The following ZNF813 variants were observed in gnomAD, a reference collection of about 807,000 sequenced individuals.
The protein encoded by ZNF813 is zinc finger protein 813.
In ZNF813, 3 loss-of-function variants were observed where a neutral mutation model predicts 7.2. That is an observed-to-expected ratio of 0.42 (90% CI 0.19 to 1.08). The LOEUF (loss-of-function observed/expected upper bound fraction) is 1.08, where lower values mean the gene tolerates loss of function less well. Among genes scored for constraint, ZNF813 ranks in the 50% least tolerant of loss-of-function variants. The pLI is 0.30. For synonymous variants in ZNF813, 227 were observed against 256.3 expected (o/e 0.89, Z 1.09); for missense variants, 714 against 753.3 (o/e 0.95, Z 0.61).
rs772059053 is a variant in ZNF813 at position 53,490,717 on chromosome 19, A to G, written c.485A>G (p.Asn162Ser). Residue 162 changes from asparagine (N) to serine (S), a missense_variant, in exon 4 of 4, where the codon AAT (asparagine) becomes AGT (serine). Transcript: ENST00000396403. ...HMFQTQGKIG[N>S]QVEKSINDAS... is the part of the protein sequence containing the mutation. ...TTTCAGACCCAAGGGAAAATTGGTA[A>G]TCAAGTGGAGAAGTCTATCAACGAT... 4.3e-6 allele frequency: 7 copies of G among 1,614,208 alleles called. No individual in the cohort carries two copies. Among genetic ancestry groups the G allele is most frequent in the Non-Finnish European group, 5.1e-6 (6 of 1,180,028 alleles).
chr19:53,489,544 G>T (rs918259190), intron 3 of ZNF813, among the ~76,000 whole-genome samples: 4 of 152,016 alleles, frequency 2.6e-5, no homozygotes, highest in Non-Finnish European at 5.9e-5. Context: ...GGAGGTTGCA[G>T]TGAGCCAAGA....
At position 53,495,684 on chromosome 19, in the gene ZNF813, G is replaced by C. The variant is rs112824664; in HGVS notation, c.*3598G>C. On this transcript the variant is annotated 3_prime_UTR_variant, in exon 4 of 4. Transcript: ENST00000396403. ...AAATTAGCTGGGTGTGGTGGCGGGT[G>C]CTTGTAATCCCAGTTACTCAGGAGG... 6.6e-6 allele frequency: 1 copy of C among 152,226 alleles called. No individual in the cohort carries two copies. Among genetic ancestry groups the C allele is most frequent in the African/African-American group, 2.4e-5 (1 of 41,448 alleles). 9.4% of individuals were successfully genotyped at this position (152,226 alleles called of 1,614,324 possible).
In ZNF813 at chr19:53,494,657, A is replaced by T; in HGVS notation, c.*2571A>T. The T allele has an allele frequency of 1.2e-5, 1 of 81,112 alleles. No homozygotes were observed. Among genetic ancestry groups the T allele is most frequent in the East Asian group, 3.2e-4 (1 of 3,172 alleles). 5.0% of individuals were successfully genotyped at this position (81,112 alleles called of 1,614,324 possible). On this transcript the variant is annotated 3_prime_UTR_variant, in exon 4 of 4. Coordinates refer to ENST00000396403, the MANE Select transcript of ZNF813 (RefSeq NM_001004301.4). ...AAACTCTGTCTCAAAAAAAAAAAAAAGAAAAGAAAAGAAAAGAGACTCTAT... is the reference window on the plus strand; with the variant it reads ...AAACTCTGTCTCAAAAAAAAAAAAATGAAAAGAAAAGAAAAGAGACTCTAT...
rs144943996 is a variant in ZNF813 at position 53,477,999 on chromosome 19, A to G, written c.-73-5751A>G. Among the ~76,000 whole-genome samples, 15 of 152,280 alleles carry G rather than the reference A, an allele frequency of 9.9e-5. No individual in the cohort carries two copies. The East Asian group carries it at 2.9e-3, about 29-fold the overall frequency. ...TATCTATAAGGCATGTACATTGTAT[A>G]AATCTTGGCATAGAGGTCAGCTTCC... On this transcript the variant is annotated intron_variant, in intron 1 of 3. Coordinates refer to ENST00000396403, the MANE Select transcript of ZNF813 (RefSeq NM_001004301.4).
At chr19:53,476,834 T>C (rs766390646) in intron 1 of ZNF813, among the ~76,000 whole-genome samples, 10 of 151,978 alleles carry the variant, frequency 6.6e-5, no homozygotes, top group Non-Finnish European at 1.3e-4. Context: ...TGGCTAATTT[T>C]TGTATTTTAA....
intron 1 of ZNF813, among the ~76,000 whole-genome samples, chr19:53,469,789 A>G (rs2617710): frequency 0.32 from 44,410 of 140,958 alleles, 6,305 homozygotes; most frequent in African/African-American, 0.41. Flanking sequence ...CTAGGCTGCC[A>G]GAGAGTGGGG....
chr19:53,479,395 G>A, intron 1 of ZNF813: 1 of 1,590,222 alleles, frequency 6.3e-7, no homozygotes, highest in East Asian at 2.2e-5. Context: ...CAAGATCCAG[G>A]TTCTGCAGCT....
At chr19:53,477,689 T>C (rs1166334171) in intron 1 of ZNF813, among the ~76,000 whole-genome samples, 7 of 151,980 alleles carry the variant, frequency 4.6e-5, no homozygotes, top group Middle Eastern at 6.8e-3. Flanking sequence ...GATGTGATGG[T>C]GCACACCTGT....
chr19:53,495,950 C>T lies in ZNF813; in HGVS notation c.*3864C>T. The T allele has an allele frequency of 2.8e-6, 1 of 353,396 alleles. No homozygotes were observed. The highest frequency in any genetic ancestry group is 2.1e-5 in the African/African-American group (1 of 47,100). 21.9% of individuals were successfully genotyped at this position (353,396 alleles called of 1,614,324 possible). The stretch of plus-strand genomic sequence containing the variant: ...GAAACAAAAGCAAAATCATTCCATT[C>T]CCCCAGTGGATTCAGATCAAAACTG... On this transcript the variant is annotated 3_prime_UTR_variant, in exon 4 of 4. Coordinates refer to ENST00000396403, the MANE Select transcript of ZNF813 (RefSeq NM_001004301.4).
intron 1 of ZNF813, among the ~76,000 whole-genome samples, chr19:53,482,724 T>TTTG (rs1555843306): frequency 7.8e-6 from 1 of 127,408 alleles, no homozygotes; most frequent in East Asian, 2.2e-4. Flanking sequence ...TTTTTTTTTT[T>TTTG]TTTTTTTTTT....
At chr19:53,482,273 CTGTAT>C (rs1568830530) in intron 1 of ZNF813, among the ~76,000 whole-genome samples, 3 of 152,210 alleles carry the variant, frequency 2.0e-5, no homozygotes, top group Non-Finnish European at 4.4e-5. Flanking sequence ...AGGCCTTTCT[CTGTAT>C]GAGGACATCA....
At chr19:53,474,310 G>A (rs1269349967) in intron 1 of ZNF813, among the ~76,000 whole-genome samples, 1 of 152,146 alleles carries the variant, frequency 6.6e-6, no homozygotes, top group Non-Finnish European at 1.5e-5. Context: ...GGCCAAGTGG[G>A]CCCCCATAAC....
rs2708834 is a variant in ZNF813 at position 53,494,490 on chromosome 19, A to G, written c.*2404A>G. On this transcript the variant is annotated 3_prime_UTR_variant, in exon 4 of 4. Transcript: ENST00000396403. Reference sequence around the variant, plus strand: ...GAAACAGCATCTCTACTAAAAATACAAAATTAGCCAGGCATGGTGGCAAAT... The same window carrying G: ...GAAACAGCATCTCTACTAAAAATACGAAATTAGCCAGGCATGGTGGCAAAT... The G allele has an allele frequency of 0.27, 41,434 of 151,892 alleles. 6,191 individuals carry two copies. Among genetic ancestry groups the G allele is most frequent in the African/African-American group, 0.4 (16,563 of 41,368 alleles). 9.4% of individuals were successfully genotyped at this position (151,892 alleles called of 1,614,324 possible).
At chr19:53,469,737 A>ACGG (rs5828543) in intron 1 of ZNF813, among the ~76,000 whole-genome samples, 15 of 146,936 alleles carry the variant, frequency 1.0e-4, no homozygotes, top group African/African-American at 3.7e-4. Flanking sequence ...TGCTGGTGGC[A>ACGG]AGAACAGAGG....
intron 1 of ZNF813, among the ~76,000 whole-genome samples, chr19:53,472,142 G>C (rs1049345546): frequency 2.6e-5 from 4 of 152,074 alleles, no homozygotes; most frequent in African/African-American, 9.7e-5. Flanking sequence ...GACATGTATG[G>C]GGTAACCTGC....
rs552505078 is a variant in ZNF813, at chr19:53,495,936, A to G, written c.*3850A>G. 3.2e-5 allele frequency: 11 copies of G among 339,976 alleles called. No individual in the cohort carries two copies. Among genetic ancestry groups the G allele is most frequent in the Non-Finnish European group, 5.8e-5 (10 of 172,914 alleles). The allele number at this position is 339,976 out of a possible 1,614,324, so 21.1% of individuals were successfully genotyped here. A position where few individuals can be genotyped will look rare whatever the true frequency, so the allele number is the denominator to read the frequency against. On this transcript the variant is annotated 3_prime_UTR_variant, in exon 4 of 4. Transcript: ENST00000396403. The stretch of plus-strand genomic sequence containing the variant: ...CAATACCTGGCCAAGAAACAAAAGC[A>G]AAATCATTCCATTCCCCCAGTGGAT...
Position 53,490,686 on chromosome 19 carries a change from C to A in ZNF813, c.454C>A (p.His152Asn), listed in dbSNP as rs377553153. ...SSFHSHLPEL[H>N]MFQTQGKIGN... ...CTTTCATTCGCATCTGCCTGAACTC[C>A]ACATGTTTCAGACCCAAGGGAAAAT... The change falls in exon 4 of 4, where the codon CAC becomes AAC. Residue 152 changes from histidine (H) to asparagine (N), a missense_variant. His to Asn is a moderately conservative substitution (Grantham distance 68). This residue lies in a region of ZNF813 where 563 missense variants were observed against 554.2 expected (regional missense o/e 1.02). Coordinates refer to ENST00000396403, the MANE Select transcript of ZNF813 (RefSeq NM_001004301.4). 9.0e-5 allele frequency: 146 copies of A among 1,614,140 alleles called. No individual in the cohort carries two copies. The African/African-American group carries it at 1.7e-3, about 19-fold the overall frequency.
intron 1 of ZNF813, among the ~76,000 whole-genome samples, chr19:53,473,802 G>A (rs1447887961): frequency 1.3e-5 from 2 of 152,046 alleles, no homozygotes; most frequent in Non-Finnish European, 1.5e-5. Context: ...CTTTTAATTT[G>A]ACTTATGATT....
chr19:53,474,843 T>C (rs978140597), intron 1 of ZNF813, among the ~76,000 whole-genome samples: 4 of 152,202 alleles, frequency 2.6e-5, no homozygotes, highest in Non-Finnish European at 4.4e-5. Flanking sequence ...TTTTAATATA[T>C]TTTTTATCTT....
Sources: allele counts gnomAD v4.1 joint callset (sites outside exome capture counted in the v4.1 genomes callset), GRCh38; gene constraint gnomAD v4.1.1; regional missense constraint gnomAD v4.1.1; transcripts MANE v1.5; gene names NCBI Gene and HGNC (gene_info 2026-07-23, HGNC 2026-07-21).